Variants in BACE2 observed in about 807,000 individuals in gnomAD.
BACE2 encodes the protein beta-secretase 2.
In BACE2, 17 loss-of-function variants were observed where a neutral mutation model predicts 46.2. The ratio of observed to expected loss-of-function variants is 0.37; its 90% CI spans 0.25 to 0.55. The LOEUF (loss-of-function observed/expected upper bound fraction) is 0.55. Among genes scored for constraint, BACE2 ranks in the 20% least tolerant of loss-of-function variants. The pLI is 0.82. For synonymous variants in BACE2, 277 were observed against 295.9 expected, an observed-to-expected ratio of 0.94 and a Z score of 0.66; for missense variants, 595 against 698.1, an observed-to-expected ratio of 0.85 and a Z score of 1.66.
At chr21:41,215,061 A>C (rs1358636646) in intron 1 of BACE2, among the ~76,000 whole-genome samples, 1 of 152,156 alleles carries the variant, frequency 6.6e-6, no homozygotes, top group Non-Finnish European at 1.5e-5. Context: ...GGGAGAGCTC[A>C]GAGATGACCG....
chr21:41,208,319 A>G (rs77557407), intron 1 of BACE2, among the ~76,000 whole-genome samples: 4,140 of 152,334 alleles, frequency 0.027, 182 homozygotes, highest in African/African-American at 0.092. Context: ...TGTCTTCTGC[A>G]GGGGTGAAAA....
chr21:41,195,874 A>G (rs1398211867), intron 1 of BACE2, among the ~76,000 whole-genome samples: 1 of 152,248 alleles, frequency 6.6e-6, no homozygotes, highest in African/African-American at 2.4e-5. Context: ...GGCTTGTTAG[A>G]AAGCAGTTGT....
At chr21:41,192,653 T>C (rs908847464) in intron 1 of BACE2, among the ~76,000 whole-genome samples, 1 of 152,212 alleles carries the variant, frequency 6.6e-6, no homozygotes, top group Non-Finnish European at 1.5e-5. Flanking sequence ...CATCCCTATC[T>C]GCCACTGACA....
chr21:41,179,718 C>T, intron 1 of BACE2: 1 of 1,217,622 alleles, frequency 8.2e-7, no homozygotes. Context: ...TGCTTACAGG[C>T]AATTAAAAAG....
At chr21:41,213,788 T>C (rs1265859879) in intron 1 of BACE2, among the ~76,000 whole-genome samples, 1 of 149,310 alleles carries the variant, frequency 6.7e-6, no homozygotes, top group Non-Finnish European at 1.5e-5. Context: ...AAAAAAAGAG[T>C]AAGCTTTGTC....
At chr21:41,244,603 C>CGGCCA (rs1319431245) in intron 5 of BACE2, among the ~76,000 whole-genome samples, 1 of 146,100 alleles carries the variant, frequency 6.8e-6, no homozygotes, top group Admixed American at 6.8e-5. Context: ...AGGCAGGAAC[C>CGGCCA]GGCCATTTTC....
In BACE2 at chr21:41,257,296, A is replaced by G; in HGVS notation, c.1273A>G (p.Arg425Gly). Residue 425 changes from arginine to glycine, a missense_variant, in exon 8 of 9, where the codon AGG becomes GGG. This residue lies in a region of BACE2 where 343 missense variants were observed against 419.4 expected (regional missense o/e 0.82). Transcript: ENST00000330333. The stretch of plus-strand genomic sequence containing the variant: ...CGTCATCTTCGACAGAGCCCAGAAG[A>G]GGGTGGGCTTCGCAGCGAGCCCCTG... Reference protein sequence around the residue: ...FYVIFDRAQKRVGFAASPCAE... With the variant: ...FYVIFDRAQKGVGFAASPCAE... 1 of 1,614,034 alleles carries G rather than the reference A, an allele frequency of 6.2e-7. No homozygotes were observed.
At chr21:41,245,937 C>A in intron 5 of BACE2, 25 bp from the exon 6 acceptor site, 1 of 1,576,646 alleles carries the variant, frequency 6.3e-7, no homozygotes, top group Non-Finnish European at 8.6e-7. Flanking sequence ...ACTCACGCAC[C>A]TTTCCCTTTC....
intron 5 of BACE2, among the ~76,000 whole-genome samples, 185 bp from the exon 6 acceptor site, chr21:41,245,777 G>A (rs1263563796): frequency 6.6e-6 from 1 of 152,232 alleles, no homozygotes. Context: ...TGAAGTGAGC[G>A]TGTTGGGTTG....
At chr21:41,186,980 T>C (rs1016537487) in intron 1 of BACE2, among the ~76,000 whole-genome samples, 7 of 152,222 alleles carry the variant, frequency 4.6e-5, no homozygotes, top group Admixed American at 4.6e-4. Context: ...CTGGTGGGTG[T>C]GTCCTATGGA....
intron 2 of BACE2, among the ~76,000 whole-genome samples, chr21:41,233,415 A>G (rs540882328): frequency 2.6e-5 from 4 of 152,326 alleles, no homozygotes; most frequent in Admixed American, 2.0e-4. Context: ...TCATATTTGA[A>G]CCCAGGCAGT....
At chr21:41,216,441 C>T (rs1008690607) in intron 1 of BACE2, among the ~76,000 whole-genome samples, 3 of 152,192 alleles carry the variant, frequency 2.0e-5, no homozygotes, top group South Asian at 2.1e-4. Flanking sequence ...GGAACTGCCA[C>T]GGAAGATAAG....
intron 2 of BACE2, among the ~76,000 whole-genome samples, chr21:41,234,214 T>C (rs1204473263): frequency 6.6e-6 from 1 of 152,178 alleles, no homozygotes; most frequent in Non-Finnish European, 1.5e-5. Context: ...CCCTTCCCCA[T>C]GTAAGACATG....
At chr21:41,239,404 G>A (rs1987226806) in intron 3 of BACE2, among the ~76,000 whole-genome samples, 1 of 151,980 alleles carries the variant, frequency 6.6e-6, no homozygotes. Flanking sequence ...TTGAGAGAGA[G>A]TCTCACTCTA....
At chr21:41,186,906 T>A (rs569878896) in intron 1 of BACE2, 1 of 152,486 alleles carries the variant, frequency 6.6e-6, no homozygotes, top group Admixed American at 6.5e-5. Context: ...CATTGGGTCA[T>A]TGCCATGGAA....
In BACE2 at chr21:41,275,432, C is replaced by A. The variant is rs762236889; in HGVS notation, c.1365C>A (p.Ser455Arg). The A allele has an allele frequency of 1.7e-5, 27 of 1,614,174 alleles. No individual in the cohort carries two copies. Among genetic ancestry groups the A allele is most frequent in the Middle Eastern group, 3.3e-4 (2 of 6,062 alleles). The change falls in exon 9 of 9, where the codon AGC becomes AGA. Residue 455 changes from serine (S) to arginine (R), a missense_variant. Ser to Arg is a moderately radical substitution (Grantham distance 110, BLOSUM62 -1). Transcript: ENST00000330333. ...CTTTCTCAACAGAGGATGTAGCCAGCAACTGTGTCCCCGCTCAGTCTTTGA... is the reference window on the plus strand; with the variant it reads ...CTTTCTCAACAGAGGATGTAGCCAGAAACTGTGTCCCCGCTCAGTCTTTGA... ...SGPFSTEDVASNCVPAQSLSE... is the reference protein window; with the variant it reads ...SGPFSTEDVARNCVPAQSLSE...
chr21:41,249,660 C>T (rs779652790), intron 6 of BACE2, among the ~76,000 whole-genome samples: 1 of 152,228 alleles, frequency 6.6e-6, no homozygotes, highest in Admixed American at 6.5e-5. Context: ...GCCCAGCTCC[C>T]GCCTTTCTTC....
At position 41,190,178 on chromosome 21, in the gene BACE2, C is replaced by T. The variant is rs373011422; in HGVS notation, c.312+21603C>T. Among the ~76,000 whole-genome samples the T allele has an allele frequency of 4.6e-5, 7 of 152,322 alleles. 1 individual carries two copies. The East Asian group carries it at 1.4e-3, about 29-fold the overall frequency. On this transcript the variant is annotated intron_variant, in intron 1 of 8. Coordinates refer to ENST00000330333, the MANE Select transcript of BACE2 (RefSeq NM_012105.5). ...ATCCTTCAATCCAATCAAGTTGACA[C>T]TCAGTATGAACCATCACAAGTCCAC...
At position 41,193,647 on chromosome 21, in the gene BACE2, G is replaced by C. The variant is rs114336315; in HGVS notation, c.312+25072G>C. The stretch of plus-strand genomic sequence containing the variant: ...AATAGTCCACACCCTACCAGTCAGG[G>C]AGCCAGTGTGGGGGTTCTGCCTGCT... On this transcript the variant is annotated intron_variant, in intron 1 of 8. Coordinates refer to ENST00000330333, the MANE Select transcript of BACE2 (RefSeq NM_012105.5). The surrounding 1 kb of genome is among the most constrained non-coding windows in gnomAD (Gnocchi z 4.2). 0.025 allele frequency among the ~76,000 whole-genome samples: 3,782 copies of C among 152,248 alleles called. 153 individuals carry two copies. Among genetic ancestry groups the C allele is most frequent in the African/African-American group, 0.085 (3,526 of 41,502 alleles).
Sources: allele counts gnomAD v4.1 joint callset (sites outside exome capture counted in the v4.1 genomes callset), GRCh38; gene constraint gnomAD v4.1.1; regional missense constraint gnomAD v4.1.1; non-coding constraint Gnocchi (gnomAD v3.1); transcripts MANE v1.5; gene names NCBI Gene and HGNC (gene_info 2026-07-23, HGNC 2026-07-21).